Variants in SPHKAP observed in about 807,000 individuals in gnomAD.
The protein encoded by SPHKAP is A-kinase anchor protein SPHKAP.
Under a neutral mutation model 137.5 loss-of-function variants are expected in SPHKAP, and 67 were observed. The ratio of observed to expected loss-of-function variants is 0.49; its 90% confidence interval spans 0.40 to 0.60. SPHKAP has a LOEUF of 0.60. Ranked by LOEUF, SPHKAP falls within the 20% of genes least tolerant of loss-of-function variation. The pLI is 0.00. For missense variants in SPHKAP, 2,097 were observed against 2,069.3 expected, an observed-to-expected ratio of 1.01 and a Z score of -0.26; for synonymous variants, 813 against 785.3, an observed-to-expected ratio of 1.04 and a Z score of -0.59.
Position 228,016,882 on chromosome 2 carries a change from A to G in SPHKAP, c.3972T>C (p.Ile1324=). ...IEALMRKNKI[I]VDDAEEADTE... ...TGTCAGCTTCCTCTGCATCATCCACAATGATTTTGTTCTTGCGCATGAGAG... is the reference window on the plus strand; with the variant it reads ...TGTCAGCTTCCTCTGCATCATCCACGATGATTTTGTTCTTGCGCATGAGAG... Residue 1324 remains isoleucine (I), a synonymous_variant, in exon 7 of 12, where the codon ATT becomes ATC. Transcript: ENST00000392056. 1 of 1,614,068 alleles carries G rather than the reference A, an allele frequency of 6.2e-7. No homozygotes were observed. The highest frequency in any genetic ancestry group is 8.5e-7 in the Non-Finnish European group (1 of 1,180,002).
At chr2:227,987,080 AT>A (rs1693238077) in intron 11 of SPHKAP, among the ~76,000 whole-genome samples, 1 of 152,208 alleles carries the variant, frequency 6.6e-6, no homozygotes, top group Non-Finnish European at 1.5e-5. Flanking sequence ...CTTGTCTAAG[AT>A]ATTTCTCTGG....
At position 228,128,249 on chromosome 2, in the gene SPHKAP, C is replaced by T. The variant is rs151176925; in HGVS notation, c.138+3731G>A. 1.9e-4 allele frequency among the ~76,000 whole-genome samples: 29 copies of T among 152,294 alleles called. No homozygotes were observed. The East Asian group carries it at 1.9e-3, about 10-fold the overall frequency. The stretch of plus-strand genomic sequence containing the variant: ...GCTGCTGTGTTATCAATTAAGTTTA[C>T]GTAATATTCTGAATCCTTTGTTGTC... On this transcript the variant is annotated intron_variant, in intron 2 of 11. Transcript: ENST00000392056.
intron 3 of SPHKAP, among the ~76,000 whole-genome samples, chr2:228,054,160 A>G (rs1696356855): frequency 6.6e-6 from 1 of 152,218 alleles, no homozygotes; most frequent in South Asian, 2.1e-4. Context: ...AGAAGAGAGT[A>G]AGCAGACCTT....
chr2:228,034,587 T>A (rs1202413702), intron 3 of SPHKAP, among the ~76,000 whole-genome samples: 3 of 152,108 alleles, frequency 2.0e-5, no homozygotes, highest in African/African-American at 7.2e-5. Context: ...AAAAAGAGAA[T>A]TTTAGACCAA....
rs559998280 is a variant in SPHKAP at position 228,032,714 on chromosome 2, A to T, written c.247-5171T>A. 1.6e-4 allele frequency among the ~76,000 whole-genome samples: 25 copies of T among 152,258 alleles called. No homozygotes were observed. The East Asian group carries it at 4.4e-3, about 27-fold the overall frequency. On this transcript the variant is annotated intron_variant, in intron 3 of 11. Coordinates refer to ENST00000392056, the MANE Select transcript of SPHKAP (RefSeq NM_001142644.2). ...CTCTACAAGCCAGAAAAGAGTAGGG[A>T]CCAATATTCAACATTCTTAAAGAAA...
chr2:228,097,199 A>C (rs1160688500), intron 3 of SPHKAP, among the ~76,000 whole-genome samples: 1 of 152,164 alleles, frequency 6.6e-6, no homozygotes, highest in South Asian at 2.1e-4. Flanking sequence ...AATTGCTATA[A>C]TCACAGGAAT....
intron 3 of SPHKAP, among the ~76,000 whole-genome samples, chr2:228,066,657 G>A (rs1696836694): frequency 6.6e-6 from 1 of 152,164 alleles, no homozygotes; most frequent in African/African-American, 2.4e-5. Flanking sequence ...TGAGCACAAA[G>A]CGTCTTGGTC....
chr2:227,990,891 G>T, intron 11 of SPHKAP, 109 bp downstream of exon 11: 1 of 1,118,438 alleles, frequency 8.9e-7, no homozygotes, highest in Non-Finnish European at 1.3e-6. Context: ...ATCAAGAACA[G>T]TCAGGATCAA....
At chr2:228,111,997 C>T (rs933889682) in intron 2 of SPHKAP, among the ~76,000 whole-genome samples, 1 of 151,958 alleles carries the variant, frequency 6.6e-6, no homozygotes, top group Non-Finnish European at 1.5e-5. Flanking sequence ...AGAGAGGAAA[C>T]TTTTTGTGAT....
At chr2:228,035,769 C>T (rs1695563549) in intron 3 of SPHKAP, among the ~76,000 whole-genome samples, 1 of 152,002 alleles carries the variant, frequency 6.6e-6, no homozygotes, top group Non-Finnish European at 1.5e-5. Flanking sequence ...CTGACAAAAA[C>T]AAGCAATGGG....
At chr2:227,990,768 T>C (rs1693383156) in intron 11 of SPHKAP, 2 of 439,240 alleles carry the variant, frequency 4.6e-6, no homozygotes, top group Non-Finnish European at 7.9e-6. Context: ...ATCCCCTCAA[T>C]TTACTTTTCT....
At chr2:227,983,978 CTCAT>C (rs932976306) in intron 11 of SPHKAP, among the ~76,000 whole-genome samples, 1 of 152,088 alleles carries the variant, frequency 6.6e-6, no homozygotes, top group Non-Finnish European at 1.5e-5. Flanking sequence ...GGTGGGCCAG[CTCAT>C]TCACTCCCAT....
chr2:228,100,006 C>G (rs567978230), intron 3 of SPHKAP, among the ~76,000 whole-genome samples: 3 of 152,092 alleles, frequency 2.0e-5, no homozygotes, highest in Admixed American at 6.6e-5. Context: ...CCCGCCATCA[C>G]GCCTGGCTAA....
chr2:228,069,850 A>G (rs1416743498), intron 3 of SPHKAP, among the ~76,000 whole-genome samples: 1 of 152,208 alleles, frequency 6.6e-6, no homozygotes, highest in South Asian at 2.1e-4. Flanking sequence ...TCCTACTGCC[A>G]TTGTCACACT....
chr2:228,012,568 T>G (rs779413555), intron 7 of SPHKAP, among the ~76,000 whole-genome samples: 2 of 152,118 alleles, frequency 1.3e-5, no homozygotes, highest in Non-Finnish European at 2.9e-5. Context: ...TACAATAATA[T>G]TTTTTTGAAA....
chr2:228,161,879 G>A (rs1700286345), intron 1 of SPHKAP, among the ~76,000 whole-genome samples: 1 of 152,270 alleles, frequency 6.6e-6, no homozygotes, highest in Non-Finnish European at 1.5e-5. Flanking sequence ...CAGTTGAAAT[G>A]CCTTGTTTAT....
At chr2:227,996,768 C>T (rs1220234312) in intron 7 of SPHKAP, among the ~76,000 whole-genome samples, 1 of 152,214 alleles carries the variant, frequency 6.6e-6, no homozygotes, top group Non-Finnish European at 1.5e-5. Context: ...CCAATTTCTC[C>T]TCTTTGCCCT....
chr2:228,152,252 T>C (rs1202530809), intron 1 of SPHKAP, among the ~76,000 whole-genome samples: 1 of 152,292 alleles, frequency 6.6e-6, no homozygotes, highest in Non-Finnish European at 1.5e-5. Context: ...TCAAAGTTCT[T>C]TATAAGTTTT....
At chr2:228,154,502 C>CTATA (rs1559203861) in intron 1 of SPHKAP, among the ~76,000 whole-genome samples, 6 of 27,406 alleles carry the variant, frequency 2.2e-4, no homozygotes, top group African/African-American at 5.2e-4. Flanking sequence ...CTCTCTCTCT[C>CTATA]TCTCTCTCTC....
Sources: gnomAD v4.1 joint callset for allele counts (sites outside exome capture counted in the v4.1 genomes callset) on GRCh38, gnomAD v4.1.1 for gene constraint, MANE v1.5 for transcripts, NCBI Gene and HGNC (gene_info 2026-07-23, HGNC 2026-07-21) for gene names.